APOLD1: variants seen among roughly 807,000 people sequenced by gnomAD.
The protein encoded by APOLD1 is apolipoprotein L domain-containing protein 1.
In APOLD1, 22 loss-of-function variants were observed where a neutral mutation model predicts 15.3. That is an observed-to-expected ratio of 1.44 (90% confidence interval 1.03 to 2.05). The LOEUF is 2.05. APOLD1 is among the 30% of genes most tolerant of loss of function. The pLI, the probability that APOLD1 is intolerant of heterozygous loss-of-function variation, is 0.00. For missense variants in APOLD1, 394 were observed against 353.5 expected (o/e 1.11, Z -0.92); for synonymous variants, 190 against 167.4 (o/e 1.13, Z -1.04).
At chr12:12,757,927 A>C (rs540735288) in intron 1 of APOLD1, among the ~76,000 whole-genome samples, 1 of 150,312 alleles carries the variant, frequency 6.7e-6, no homozygotes, top group African/African-American at 2.5e-5. Flanking sequence ...TAAAGCAACT[A>C]ATTCAATATC....
chr12:12,770,062 A>G lies in APOLD1; in HGVS notation c.97-16847A>G, dbSNP rs189815291. Among the ~76,000 whole-genome samples the G allele has an allele frequency of 1.2e-3, 180 of 152,352 alleles. 1 individual carries two copies. Among genetic ancestry groups the G allele is most frequent in the Middle Eastern group, 0.01 (3 of 294 alleles). ...CTCTGGATAAAGTAGACAGCATGCA[A>G]GAACAGGTAGGCAATGTAAGCAGAG... On this transcript the variant is annotated intron_variant, in intron 1 of 1. Transcript: ENST00000326765.
chr12:12,782,462 C>G (rs1429556645), upstream of APOLD1, among the ~76,000 whole-genome samples: 1 of 152,184 alleles, frequency 6.6e-6, no homozygotes, highest in African/African-American at 2.4e-5. Context: ...TGAATTTCCT[C>G]ATGGTTCGAG....
At chr12:12,767,854 C>T (rs965840374) in intron 1 of APOLD1, among the ~76,000 whole-genome samples, 30 of 150,756 alleles carry the variant, frequency 2.0e-4, no homozygotes, top group African/African-American at 6.6e-4. Context: ...GGTGTGATCT[C>T]GGCTCACTGA....
At chr12:12,755,519 T>C (rs1273348388) in intron 1 of APOLD1, among the ~76,000 whole-genome samples, 1 of 152,166 alleles carries the variant, frequency 6.6e-6, no homozygotes, top group Non-Finnish European at 1.5e-5. Flanking sequence ...CCACAATAAT[T>C]AGTATCCAGA....
At chr12:12,770,131 C>T (rs1017586489) in intron 1 of APOLD1, among the ~76,000 whole-genome samples, 4 of 152,030 alleles carry the variant, frequency 2.6e-5, no homozygotes, top group East Asian at 1.9e-4. Context: ...TTAGAGAGGC[C>T]GGGGGCGGTG....
At position 12,787,178 on chromosome 12, in the gene APOLD1, G is replaced by T; in HGVS notation, c.273G>T (p.Gly91=). 4 of 1,538,688 alleles carry T rather than the reference G, an allele frequency of 2.6e-6. No individual in the cohort carries two copies. Among genetic ancestry groups the T allele is most frequent in the Admixed American group, 2.0e-5 (1 of 51,010 alleles). Reference sequence around the variant, plus strand: ...CCTCGCTGCTGGTGTCGGCCGTGGGGCTGGGGGTGGCCACAGCCGGAGGGG... The same window carrying T: ...CCTCGCTGCTGGTGTCGGCCGTGGGTCTGGGGGTGGCCACAGCCGGAGGGG... ...LGTSLLVSAV[G]LGVATAGGAV... Residue 91 remains glycine, a synonymous_variant, in exon 2 of 2, where the codon GGG becomes GGT. Transcript: ENST00000356591. This position sits in a 1 kb window ranked among gnomAD's most constrained non-coding sequence, Gnocchi z 4.9.
chr12:12,762,646 C>T (rs942484764), intron 1 of APOLD1, among the ~76,000 whole-genome samples: 29 of 151,854 alleles, frequency 1.9e-4, no homozygotes, highest in African/African-American at 6.8e-4. Flanking sequence ...AGCCACCACG[C>T]CCAGCCTTAC....
intron 1 of APOLD1, among the ~76,000 whole-genome samples, chr12:12,759,635 A>G (rs566790090): frequency 6.6e-6 from 1 of 152,286 alleles, no homozygotes; most frequent in South Asian, 2.1e-4. Flanking sequence ...TTGAGATATT[A>G]CTCTTCATTC....
Position 12,787,626 on chromosome 12 carries a change from G to T in APOLD1, c.721G>T (p.Asp241Tyr). 1 of 1,605,040 alleles carries T rather than the reference G, an allele frequency of 6.2e-7. No individual in the cohort carries two copies. The highest frequency in any genetic ancestry group is 1.1e-5 in the South Asian group (1 of 90,996). Reference sequence around the variant, plus strand: ...TGGCCACGACCTCAAGATCTCTGCTGACCAGCGTGCAGGGCTGTTTTTCTG... The same window carrying T: ...TGGCCACGACCTCAAGATCTCTGCTTACCAGCGTGCAGGGCTGTTTTTCTG... ...SRGHDLKISA[D>Y]QRAGLFF is the part of the protein sequence containing the mutation. The change falls in exon 2 of 2, where the codon GAC becomes TAC. Residue 241 changes from aspartate (D) to tyrosine (Y), a missense_variant. Asp to Tyr is a radical substitution (Grantham distance 160). Coordinates refer to ENST00000356591, the MANE Select transcript of APOLD1 (RefSeq NM_030817.3). This position sits in a 1 kb window ranked among gnomAD's most constrained non-coding sequence, Gnocchi z 4.9.
chr12:12,777,889 G>GTTTTTTTTTTTTTTTTTTTTTTTTTTTT (rs71436735), intron 1 of APOLD1, among the ~76,000 whole-genome samples: 1 of 117,062 alleles, frequency 8.5e-6, no homozygotes, highest in Non-Finnish European at 1.7e-5. Context: ...AAGGAAAGGT[G>GTTTTTTTTTTTTTTTTTTTTTTTTTTTT]TTTTTTTTTT....
chr12:12,756,192 A>AT (rs1393605644), intron 1 of APOLD1, among the ~76,000 whole-genome samples: 1 of 152,158 alleles, frequency 6.6e-6, no homozygotes, highest in Non-Finnish European at 1.5e-5. Flanking sequence ...GACTGCATGG[A>AT]TTTTGGTTTA....
chr12:12,754,365 C>T (rs1946839630), intron 1 of APOLD1, among the ~76,000 whole-genome samples: 1 of 152,128 alleles, frequency 6.6e-6, no homozygotes, highest in South Asian at 2.1e-4. Context: ...ACCTGGCCAA[C>T]AATAACTTTT....
intron 1 of APOLD1, among the ~76,000 whole-genome samples, chr12:12,772,378 G>GGAA (rs2136392799): frequency 6.6e-6 from 1 of 152,304 alleles, no homozygotes; most frequent in South Asian, 2.1e-4. Context: ...AAGGAAAGTG[G>GGAA]GAAGAAAGAG....
chr12:12,782,392 TC>T (rs1947088257), upstream of APOLD1, among the ~76,000 whole-genome samples: 1 of 152,308 alleles, frequency 6.6e-6, no homozygotes, highest in Admixed American at 6.5e-5. Context: ...AATTAGACTC[TC>T]CAGGGCTGGG....
Position 12,790,796 on chromosome 12 carries a change from C to T in APOLD1, c.*3144C>T, listed in dbSNP as rs1947179477. On this transcript the variant is annotated 3_prime_UTR_variant, in exon 2 of 2. Transcript: ENST00000356591. The stretch of plus-strand genomic sequence containing the variant: ...ATTGGAGCCTCTATCAAGATTTAGT[C>T]AAGTTCAGTTAGATTGATTCTAGAA... The T allele has an allele frequency of 6.6e-6, 1 of 152,192 alleles. No individual in the cohort carries two copies. Among genetic ancestry groups the T allele is most frequent in the African/African-American group, 2.4e-5 (1 of 41,438 alleles). 9.4% of individuals were successfully genotyped at this position (152,192 alleles called of 1,614,324 possible). A position where few individuals can be genotyped will look rare whatever the true frequency, so the allele number is the denominator to read the frequency against.
chr12:12,737,785 G>A (rs367565195), intron 1 of APOLD1, among the ~76,000 whole-genome samples: 4 of 152,200 alleles, frequency 2.6e-5, no homozygotes, highest in East Asian at 1.9e-4. Context: ...TCCTACTGAT[G>A]TCTTCCGTGG....
chr12:12,762,317 AG>A (rs1946907555), intron 1 of APOLD1, among the ~76,000 whole-genome samples: 1 of 152,078 alleles, frequency 6.6e-6, no homozygotes. Context: ...GTAGGAAACA[AG>A]GAAGGAATAC....
intron 1 of APOLD1, among the ~76,000 whole-genome samples, chr12:12,768,957 G>T (rs909341792): frequency 6.6e-6 from 1 of 151,984 alleles, no homozygotes; most frequent in Non-Finnish European, 1.5e-5. Flanking sequence ...GCTGGGCACC[G>T]TAGCTCATGC....
At chr12:12,760,593 A>G (rs1229685112) in intron 1 of APOLD1, among the ~76,000 whole-genome samples, 4 of 147,946 alleles carry the variant, frequency 2.7e-5, no homozygotes, top group African/African-American at 7.4e-5. Context: ...GAGCCGAGAT[A>G]GTGCCATTGC....
Sources: allele counts gnomAD v4.1 joint callset (sites outside exome capture counted in the v4.1 genomes callset), GRCh38; gene constraint gnomAD v4.1.1; non-coding constraint Gnocchi (gnomAD v3.1); transcripts MANE v1.5; gene names NCBI Gene and HGNC (gene_info 2026-07-23, HGNC 2026-07-21).